Variants in ARHGAP6 observed in about 807,000 individuals in gnomAD.
ARHGAP6 encodes rho GTPase-activating protein 6.
Under a neutral mutation model 55.7 loss-of-function variants are expected in ARHGAP6, and 16 were observed. That is an observed-to-expected ratio of 0.29 (90% CI 0.19 to 0.44). The LOEUF (loss-of-function observed/expected upper bound fraction) is 0.44, where lower values mean the gene tolerates loss of function less well. ARHGAP6 is among the 20% of genes least tolerant of loss of function. ARHGAP6 has a pLI of 1.00. For synonymous variants in ARHGAP6, 382 were observed against 360.9 expected (o/e 1.06, Z -0.66); for missense variants, 698 against 808.9 (o/e 0.86, Z 1.66).
At chrX:11,246,416 T>C (rs780209707) in intron 2 of ARHGAP6, among the ~76,000 whole-genome samples, 2 of 111,650 alleles carry the variant, frequency 1.8e-5, no homozygotes, top group African/African-American at 6.5e-5. Context: ...CTGGGGACAG[T>C]GGGAGAAAGG....
chrX:11,597,389 T>C (rs1416133527), intron 1 of ARHGAP6, among the ~76,000 whole-genome samples: 2 of 112,205 alleles, frequency 1.8e-5, no homozygotes, highest in Non-Finnish European at 3.8e-5. Context: ...CTCCATCTTA[T>C]CTGTGACCAC....
At chrX:11,394,716 T>G (rs1448671860) in intron 1 of ARHGAP6, among the ~76,000 whole-genome samples, 4 of 110,926 alleles carry the variant, frequency 3.6e-5, no homozygotes, top group Non-Finnish European at 7.6e-5. Context: ...ATAAACATCA[T>G]TTTTTTGTTA....
intron 1 of ARHGAP6, among the ~76,000 whole-genome samples, chrX:11,317,350 A>C (rs2048371098): frequency 8.9e-6 from 1 of 111,964 alleles, no homozygotes; most frequent in Non-Finnish European, 1.9e-5. Context: ...GACAACCAAA[A>C]ATGTTTCCCG....
chrX:11,156,573 A>G lies in ARHGAP6; in HGVS notation c.1863T>C (p.Pro621=), dbSNP rs1331984033. 8.3e-7 allele frequency: 1 copy of G among 1,211,831 alleles called. No homozygotes were observed. Among genetic ancestry groups the G allele is most frequent in the African/African-American group, 1.7e-5 (1 of 57,941 alleles). Residue 621 remains proline (P), a synonymous_variant, in exon 10 of 13, where the codon CCT becomes CCC. Transcript: ENST00000337414. The part of the protein sequence containing the change: ...EVLISLLETD[P]DVVDYLLRRK... ...TTCTGAGTAAATAGTCCACGACATC[A>G]GGATCGGTCTCTAACAGGCTGATCA...
At chrX:11,509,581 T>C (rs2050765539) in intron 1 of ARHGAP6, among the ~76,000 whole-genome samples, 1 of 112,227 alleles carries the variant, frequency 8.9e-6, no homozygotes, top group African/African-American at 3.2e-5. Flanking sequence ...CAGTCCTCCC[T>C]GATATTTTGC....
At chrX:11,471,283 C>A (rs1025491859) in intron 1 of ARHGAP6, among the ~76,000 whole-genome samples, 2 of 111,424 alleles carry the variant, frequency 1.8e-5, no homozygotes, top group African/African-American at 3.3e-5. Context: ...GTAACAAAAG[C>A]CTTTCACACT....
At chrX:11,589,321 C>G (rs2051776278) in intron 1 of ARHGAP6, among the ~76,000 whole-genome samples, 1 of 109,208 alleles carries the variant, frequency 9.2e-6, no homozygotes, top group Non-Finnish European at 1.9e-5. Context: ...GGATTACAGG[C>G]ACGAGCCACC....
intron 8 of ARHGAP6, among the ~76,000 whole-genome samples, chrX:11,175,315 C>T (rs145783536): frequency 2.7e-5 from 3 of 112,251 alleles, no homozygotes; most frequent in East Asian, 2.8e-4. Context: ...AACGATTTCA[C>T]GGAAGCAATG....
chrX:11,343,434 T>G (rs2048730894), intron 1 of ARHGAP6, among the ~76,000 whole-genome samples: 1 of 112,532 alleles, frequency 8.9e-6, no homozygotes, highest in African/African-American at 3.2e-5. Flanking sequence ...TATTTCTTGA[T>G]GAATCATATT....
intron 1 of ARHGAP6, among the ~76,000 whole-genome samples, chrX:11,413,981 T>C (rs1013317220): frequency 9.0e-6 from 1 of 111,664 alleles, no homozygotes; most frequent in Non-Finnish European, 1.9e-5. Flanking sequence ...TCTGCACATA[T>C]ACTGGTGAAT....
intron 1 of ARHGAP6, among the ~76,000 whole-genome samples, chrX:11,457,521 A>C (rs2050204943): frequency 8.9e-6 from 1 of 111,757 alleles, no homozygotes; most frequent in Non-Finnish European, 1.9e-5. Flanking sequence ...TCACTAAACA[A>C]ATATTTTTGA....
At chrX:11,367,813 G>A in intron 1 of ARHGAP6, 1 of 752,881 alleles carries the variant, frequency 1.3e-6, no homozygotes. Flanking sequence ...TATCAGGCAG[G>A]CACATCTGCT....
At chrX:11,182,635 CTTTTTTT>C (rs1043810466) in intron 5 of ARHGAP6, among the ~76,000 whole-genome samples, 9 of 83,127 alleles carry the variant, frequency 1.1e-4, no homozygotes, top group African/African-American at 3.1e-4. Flanking sequence ...TTCCTTTTTT[CTTTTTTT>C]TTTTTTTTTT....
chrX:11,521,893 C>A lies in ARHGAP6; in HGVS notation c.588+142348G>T, dbSNP rs757810105. On this transcript the variant is annotated intron_variant, in intron 1 of 12. Coordinates refer to ENST00000337414, the MANE Select transcript of ARHGAP6 (RefSeq NM_013427.3). Reference sequence around the variant, plus strand: ...CTTCACGTCCCTTGTAAGTTGGATTCCTAGGTATTTTATTCTCTTTGAAGC... The same window carrying A: ...CTTCACGTCCCTTGTAAGTTGGATTACTAGGTATTTTATTCTCTTTGAAGC... Among the ~76,000 whole-genome samples, 26 of 111,209 alleles carry A rather than the reference C, an allele frequency of 2.3e-4. 1 individual carries two copies. The highest frequency in any genetic ancestry group is 2.2e-3 in the Admixed American group (23 of 10,384).
At chrX:11,576,268 G>GT (rs1253934551) in intron 1 of ARHGAP6, among the ~76,000 whole-genome samples, 1 of 111,631 alleles carries the variant, frequency 9.0e-6, no homozygotes, top group Non-Finnish European at 1.9e-5. Flanking sequence ...TTGAGAATGT[G>GT]TTTTTTTGTT....
In ARHGAP6 at chrX:11,664,557, G is replaced by C; in HGVS notation, c.272C>G (p.Thr91Ser). 8.4e-7 allele frequency: 1 copy of C among 1,192,500 alleles called. No homozygotes were observed. Among genetic ancestry groups the C allele is most frequent in the Non-Finnish European group, 1.1e-6 (1 of 885,414 alleles). The change falls in exon 1 of 13, where the codon ACC becomes AGC. Residue 91 changes from threonine to serine, a missense_variant. Thr to Ser is a moderately conservative substitution (Grantham distance 58). Transcript: ENST00000337414. ...SSSRGPPPRA[T>S]RLPPPGPLCS... ...AAGAGGTCCAGGAGGCGGTAGCCTG[G>C]TGGCCCTGGGGGGCGGACCCCGGGA...
At chrX:11,464,188 C>T (rs777375338) in intron 1 of ARHGAP6, among the ~76,000 whole-genome samples, 1 of 112,031 alleles carries the variant, frequency 8.9e-6, no homozygotes, top group Non-Finnish European at 1.9e-5. Context: ...TGAATATAAA[C>T]CACAGTGGAA....
intron 1 of ARHGAP6, among the ~76,000 whole-genome samples, chrX:11,396,217 A>G (rs951954787): frequency 9.0e-6 from 1 of 110,556 alleles, no homozygotes; most frequent in Non-Finnish European, 1.9e-5. Flanking sequence ...GACCTCTCTC[A>G]CCCTCAGGAA....
At chrX:11,246,559 C>A (rs756460907) in intron 2 of ARHGAP6, among the ~76,000 whole-genome samples, 2 of 111,907 alleles carry the variant, frequency 1.8e-5, no homozygotes, top group Non-Finnish European at 3.8e-5. Context: ...GTGTATTAGG[C>A]AGTACAGATG....
Sources: allele counts gnomAD v4.1 joint callset (sites outside exome capture counted in the v4.1 genomes callset), GRCh38; gene constraint gnomAD v4.1.1; transcripts MANE v1.5; gene names NCBI Gene and HGNC (gene_info 2026-07-23, HGNC 2026-07-21).